Variants in PCM1 observed in about 807,000 individuals in gnomAD.
PCM1 encodes the protein pericentriolar material 1.
Under a neutral mutation model 241.9 loss-of-function variants are expected in PCM1, and 157 were observed. That is an observed-to-expected ratio of 0.65 (90% CI 0.57 to 0.74). The LOEUF is 0.74. Ranked by LOEUF, PCM1 falls within the 30% of genes least tolerant of loss-of-function variation. The probability of loss-of-function intolerance (pLI) is 0.00; values close to 1 mark genes in which losing one functional copy is unlikely to be tolerated. For synonymous variants in PCM1, 1,085 were observed against 784.9 expected (o/e 1.38, Z -6.39); for missense variants, 3,478 against 2,360.1 (o/e 1.47, Z -9.81).
chr8:17,980,712 G>A lies in PCM1; in HGVS notation c.4065G>A (p.Leu1355=), dbSNP rs1485585984. 1 of 1,611,996 alleles carries A rather than the reference G, an allele frequency of 6.2e-7. No homozygotes were observed. Among genetic ancestry groups the A allele is most frequent in the African/African-American group, 1.3e-5 (1 of 74,876 alleles). ...KVFSRKNHEQ[L]EKIIKCNRST... The stretch of plus-strand genomic sequence containing the variant: ...TCAGCAGAAAGAATCATGAGCAACT[G>A]GAAAAAATAATAAAATGTAATAGGT... Residue 1355 remains leucine (L), a synonymous_variant, in exon 24 of 39, where the codon CTG becomes CTA. Coordinates refer to ENST00000325083, the MANE Select transcript of PCM1 (RefSeq NM_006197.4).
At chr8:17,983,237 T>G in intron 24 of PCM1, 1 of 1,321,490 alleles carries the variant, frequency 7.6e-7, no homozygotes, top group Non-Finnish European at 9.9e-7. Context: ...CTACAGCACA[T>G]GCTAGGAGAA....
At position 17,935,698 on chromosome 8, in the gene PCM1, A is replaced by T; in HGVS notation, c.88A>T (p.Asn30Tyr). 1 of 1,382,294 alleles carries T rather than the reference A, an allele frequency of 7.2e-7. No homozygotes were observed. The highest frequency in any genetic ancestry group is 1.0e-6 in the Non-Finnish European group (1 of 968,768). The allele number at this position is 1,382,294 out of a possible 1,614,324, so 85.6% of individuals were successfully genotyped here. Residue 30 changes from asparagine (N) to tyrosine (Y), a missense_variant, in exon 3 of 39, where the codon AAC (asparagine) becomes TAC (tyrosine). Asn to Tyr is a moderately radical substitution (Grantham distance 143). Transcript: ENST00000325083. ...WSNENVDDRLNNMDWGAQQKK... is the reference protein window; with the variant it reads ...WSNENVDDRLYNMDWGAQQKK... Reference sequence around the variant, plus strand: ...TAATGAGAATGTTGATGACAGGCTCAACAATATGGTATGATTCCTTACTCT... The same window carrying T: ...TAATGAGAATGTTGATGACAGGCTCTACAATATGGTATGATTCCTTACTCT...
chr8:18,019,159 G>C (rs1350085371), intron 36 of PCM1, among the ~76,000 whole-genome samples: 1 of 152,002 alleles, frequency 6.6e-6, no homozygotes, highest in African/African-American at 2.4e-5. Context: ...TAGTGCCACA[G>C]GGGTTCGCTG....
intron 36 of PCM1, among the ~76,000 whole-genome samples, chr8:18,020,257 G>A (rs2129487768): frequency 6.6e-6 from 1 of 152,284 alleles, no homozygotes; most frequent in Non-Finnish European, 1.5e-5. Flanking sequence ...GTTAAATCGA[G>A]TTGTCAGAGC....
At chr8:18,004,721 T>G (rs559005485) in intron 29 of PCM1, among the ~76,000 whole-genome samples, 1 of 152,224 alleles carries the variant, frequency 6.6e-6, no homozygotes, top group African/African-American at 2.4e-5. Context: ...TGACTCTCTT[T>G]ATGTCATCAC....
chr8:18,018,906 A>C (rs1393507886), intron 36 of PCM1, among the ~76,000 whole-genome samples: 2 of 124,012 alleles, frequency 1.6e-5, no homozygotes, highest in Non-Finnish European at 3.3e-5. Flanking sequence ...ACACATATAT[A>C]TATATAAATA....
At chr8:18,011,391 C>T in intron 33 of PCM1, 25 bp downstream of exon 33, 2 of 1,509,650 alleles carry the variant, frequency 1.3e-6, no homozygotes, top group Non-Finnish European at 1.8e-6. Flanking sequence ...TCTGTACTAT[C>T]TTTATACTTT....
intron 2 of PCM1, among the ~76,000 whole-genome samples, chr8:17,932,531 C>A (rs1029579365): frequency 2.6e-5 from 4 of 151,304 alleles, no homozygotes; most frequent in Non-Finnish European, 5.9e-5. Context: ...TTTTTTTTTG[C>A]AAACTACTTG....
At position 18,025,673 on chromosome 8, in the gene PCM1, T is replaced by A; in HGVS notation, c.6049+15T>A. On this transcript the variant is annotated intron_variant, in intron 38 of 38. Transcript: ENST00000325083. ...AAAAGAACCTGGTAAGAGTTATCAA[T>A]TTAAATCTTGCCATATTGAAAAATC... 9 of 1,376,018 alleles carry A rather than the reference T, an allele frequency of 6.5e-6. No homozygotes were observed. Among genetic ancestry groups the A allele is most frequent in the Non-Finnish European group, 9.1e-6 (9 of 993,716 alleles). 85.2% of individuals were successfully genotyped at this position (1,376,018 alleles called of 1,614,324 possible).
chr8:17,950,516 C>G, intron 7 of PCM1, 99 bp from the exon 8 acceptor site: 4 of 667,682 alleles, frequency 6.0e-6, no homozygotes, highest in Non-Finnish European at 1.0e-5. Context: ...CGTATGTGAG[C>G]TTTTTAAATT....
intron 36 of PCM1, among the ~76,000 whole-genome samples, chr8:18,020,127 G>A (rs2093640459): frequency 6.6e-6 from 1 of 152,084 alleles, no homozygotes; most frequent in Admixed American, 6.6e-5. Context: ...TCAGGTTCAG[G>A]ATACCCAAGT....
In PCM1 at chr8:17,941,064, A is replaced by G. The variant is rs181820801; in HGVS notation, c.783+1203A>G. On this transcript the variant is annotated intron_variant, in intron 6 of 38. Transcript: ENST00000325083. ...CGGACCTTCCTAATTTGAAGAGGTG[A>G]TTTGGATTTCTTTTCTCTACATTAT... Among the ~76,000 whole-genome samples the G allele has an allele frequency of 2.2e-4, 33 of 152,246 alleles. No individual in the cohort carries two copies. In the East Asian group the frequency reaches 5.0e-3, roughly 23 times the overall value.
chr8:17,994,386 A>C (rs1380942836), intron 29 of PCM1, among the ~76,000 whole-genome samples: 3 of 152,194 alleles, frequency 2.0e-5, no homozygotes, highest in Admixed American at 2.0e-4. Context: ...ATGGCTGAAT[A>C]GTACTCCATT....
chr8:17,923,788 T>G (rs993031204), intron 1 of PCM1, among the ~76,000 whole-genome samples: 1 of 151,926 alleles, frequency 6.6e-6, no homozygotes, highest in South Asian at 2.1e-4. Flanking sequence ...AATGGAGTAA[T>G]TATTGCCCCT....
intron 38 of PCM1, among the ~76,000 whole-genome samples, chr8:18,026,377 C>A (rs1308184227): frequency 6.7e-6 from 1 of 149,634 alleles, no homozygotes; most frequent in Non-Finnish European, 1.5e-5. Context: ...TCTGCCTCAG[C>A]CTCCCAAGTA....
At chr8:18,000,069 G>A (rs2088709909) in intron 29 of PCM1, among the ~76,000 whole-genome samples, 1 of 152,172 alleles carries the variant, frequency 6.6e-6, no homozygotes, top group African/African-American at 2.4e-5. Context: ...ATATGATGGT[G>A]TCTGTTTTAT....
chr8:18,014,560 G>A, intron 35 of PCM1, 24 bp from the exon 36 acceptor site: 1 of 1,579,780 alleles, frequency 6.3e-7, no homozygotes, highest in South Asian at 1.2e-5. Flanking sequence ...TTACACTAAT[G>A]TTAAGACTTT....
chr8:18,010,447 G>C (rs1031785022), intron 31 of PCM1, among the ~76,000 whole-genome samples, 162 bp from the exon 32 acceptor site: 1 of 152,030 alleles, frequency 6.6e-6, no homozygotes, highest in Non-Finnish European at 1.5e-5. Context: ...CTAAGAGCTT[G>C]ATGAAAATAA....
At chr8:17,989,625 A>G (rs1302319374) in intron 26 of PCM1, among the ~76,000 whole-genome samples, 2 of 151,990 alleles carry the variant, frequency 1.3e-5, no homozygotes, top group Non-Finnish European at 2.9e-5. Context: ...GTGTGTGTTT[A>G]TCTACATAAT....
Sources: allele counts gnomAD v4.1 joint callset (sites outside exome capture counted in the v4.1 genomes callset), GRCh38; gene constraint gnomAD v4.1.1; transcripts MANE v1.5; gene names NCBI Gene and HGNC (gene_info 2026-07-23, HGNC 2026-07-21).